ZNF621: variants seen among roughly 807,000 people sequenced by gnomAD.
ZNF621 encodes zinc finger protein 621.
ZNF621 carries 6 observed loss-of-function variants against 12.7 expected under a neutral mutation model. That is an observed-to-expected ratio of 0.47 (90% CI 0.26 to 0.93). The LOEUF (loss-of-function observed/expected upper bound fraction) is 0.93, where lower values mean the gene tolerates loss of function less well. Ranked by LOEUF, ZNF621 falls within the 40% of genes least tolerant of loss-of-function variation. The pLI is 0.15. For missense variants in ZNF621, 474 were observed against 524.0 expected (o/e 0.90, Z 0.93); for synonymous variants, 156 against 190.3 (o/e 0.82, Z 1.48).
Position 40,532,007 on chromosome 3 carries a change from A to G in ZNF621, c.260-23A>G, listed in dbSNP as rs1698736641. The G allele has an allele frequency of 1.9e-6, 3 of 1,571,924 alleles. No homozygotes were observed. The African/African-American group carries it at 4.1e-5, about 22-fold the overall frequency. ...TTTTCTTCCAGTTTTGTAACTAGGA[A>G]CACTTGTGGTTTCTTTGGTCAGGTG... On this transcript the variant is annotated intron_variant, in intron 4 of 4. Transcript: ENST00000339296.
chr3:40,532,655 G>C lies in ZNF621; in HGVS notation c.885G>C (p.Glu295Asp), dbSNP rs747633470. The change falls in exon 5 of 5, where the codon GAG becomes GAC. Residue 295 changes from glutamate (E) to aspartate (D), a missense_variant. Coordinates refer to ENST00000339296, the MANE Select transcript of ZNF621 (RefSeq NM_198484.5). ...GGGAGAAACCTTATCAATGTAAGGA[G>C]TGTGGCAAAGCCTTCACCCAGAAAA... The part of the protein sequence containing the change: ...HTGEKPYQCK[E>D]CGKAFTQKIA... The C allele has an allele frequency of 1.2e-6, 2 of 1,614,076 alleles. No homozygotes were observed. Among genetic ancestry groups the C allele is most frequent in the African/African-American group, 2.7e-5 (2 of 74,906 alleles).
intron 3 of ZNF621, 198 bp downstream of exon 3, chr3:40,529,643 G>C (rs757155106): frequency 1.3e-4 from 180 of 1,400,170 alleles, no homozygotes; most frequent in Non-Finnish European, 1.7e-4. Flanking sequence ...TTTGTTTTGA[G>C]ACAGAGTCTC....
Position 40,529,370 on chromosome 3 carries a change from G to A in ZNF621, c.76G>A (p.Ala26Thr), listed in dbSNP as rs1373939023. Residue 26 changes from alanine to threonine, a missense_variant, in exon 3 of 5, where the codon GCC becomes ACC. Transcript: ENST00000339296. ...TGTTTACTTCACCCAGAATCAATGG[G>A]CCAGCCTCGACCCTGCGCAGAGGGC... ...VAVYFTQNQW[A>T]SLDPAQRALY... 6.2e-7 allele frequency: 1 copy of A among 1,613,938 alleles called. No individual in the cohort carries two copies. The highest frequency in any genetic ancestry group is 8.5e-7 in the Non-Finnish European group (1 of 1,179,880).
chr3:40,532,676 GA>G lies in ZNF621; in HGVS notation c.910del (p.Ile304Ter). 6.2e-7 allele frequency: 1 copy of G among 1,614,192 alleles called. No homozygotes were observed. ...AGGAGTGTGGCAAAGCCTTCACCCAGAAAATAGCCTCCATTCAGCATCAGAG... is the reference window on the plus strand; with the variant it reads ...AGGAGTGTGGCAAAGCCTTCACCCAGAAATAGCCTCCATTCAGCATCAGAG... ...CKECGKAFTQ[K>X]IASIQHQRVH... On this transcript the variant is annotated frameshift_variant, in exon 5 of 5. Coordinates refer to ENST00000339296, the MANE Select transcript of ZNF621 (RefSeq NM_198484.5). LOFTEE classifies it low-confidence loss of function (END_TRUNC).
At position 40,538,595 on chromosome 3, in the gene ZNF621, G is replaced by T. The variant is rs1698927235; in HGVS notation, c.*5505G>T. 6.5e-6 allele frequency: 1 copy of T among 154,644 alleles called. No homozygotes were observed. Among genetic ancestry groups the T allele is most frequent in the South Asian group, 1.9e-4 (1 of 5,200 alleles). The allele number at this position is 154,644 out of a possible 1,614,324, so 9.6% of individuals were successfully genotyped here. A position where few individuals can be genotyped will look rare whatever the true frequency, so the allele number is the denominator to read the frequency against. On this transcript the variant is annotated 3_prime_UTR_variant, in exon 5 of 5. Transcript: ENST00000339296. Reference sequence around the variant, plus strand: ...AAGAGTTCTGATGGAGATGTACAAAGAGATTAATGTTTTTATGTCTGCTAA... The same window carrying T: ...AAGAGTTCTGATGGAGATGTACAAATAGATTAATGTTTTTATGTCTGCTAA...
chr3:40,523,786 AACAAGC>A (rs1477487047), upstream of ZNF621, among the ~76,000 whole-genome samples: 1 of 122,534 alleles, frequency 8.2e-6, no homozygotes, highest in Non-Finnish European at 1.6e-5. Flanking sequence ...ACAAACAAAA[AACAAGC>A]AAAAAAAAAA....
Position 40,533,105 on chromosome 3 carries a change from G to A in ZNF621, c.*15G>A. On this transcript the variant is annotated 3_prime_UTR_variant, in exon 5 of 5. Transcript: ENST00000339296. The stretch of plus-strand genomic sequence containing the variant: ...ACTCCTCATGAGCTTTATCTTGGCA[G>A]TCTTACGGCTCTTATGCCTAGCAAA... 3 of 1,548,204 alleles carry A rather than the reference G, an allele frequency of 1.9e-6. No individual in the cohort carries two copies. Among genetic ancestry groups the A allele is most frequent in the Non-Finnish European group, 2.6e-6 (3 of 1,144,276 alleles).
intron 3 of ZNF621, 48 bp from the exon 4 acceptor site, chr3:40,530,160 TA>T: frequency 6.6e-7 from 1 of 1,510,932 alleles, no homozygotes; most frequent in Non-Finnish European, 9.2e-7. Flanking sequence ...ATCCCAGGAA[TA>T]GCTCTGGACG....
upstream of ZNF621, among the ~76,000 whole-genome samples, chr3:40,523,509 A>G (rs993391036): frequency 2.0e-5 from 3 of 152,216 alleles, no homozygotes; most frequent in Non-Finnish European, 4.4e-5. Flanking sequence ...TCACGCCTGT[A>G]ATCCCCAGCA....
At position 40,525,865 on chromosome 3, in the gene ZNF621, G is replaced by A; in HGVS notation, c.24+1G>A. 1 of 1,613,404 alleles carries A rather than the reference G, an allele frequency of 6.2e-7. No homozygotes were observed. ...CATGCTCCAAACAACTTGGCCTCAGGTGAGCTGAGCTTCTTTCAGTTTTTT... is the reference window on the plus strand; with the variant it reads ...CATGCTCCAAACAACTTGGCCTCAGATGAGCTGAGCTTCTTTCAGTTTTTT... On this transcript the variant is annotated splice_donor_variant, in intron 2 of 4. Coordinates refer to ENST00000339296, the MANE Select transcript of ZNF621 (RefSeq NM_198484.5). LOFTEE classifies it high-confidence loss of function.
At position 40,532,710 on chromosome 3, in the gene ZNF621, A is replaced by G; in HGVS notation, c.940A>G (p.Thr314Ala). 1 of 1,614,224 alleles carries G rather than the reference A, an allele frequency of 6.2e-7. No homozygotes were observed. Among genetic ancestry groups the G allele is most frequent in the Non-Finnish European group, 8.5e-7 (1 of 1,180,032 alleles). ...CTCCATTCAGCATCAGAGAGTTCACACTGGGGAGAAGCCTTATGAATGTAA... is the reference window on the plus strand; with the variant it reads ...CTCCATTCAGCATCAGAGAGTTCACGCTGGGGAGAAGCCTTATGAATGTAA... ...IASIQHQRVH[T>A]GEKPYECKVC... The change falls in exon 5 of 5, where the codon ACT (threonine) becomes GCT (alanine). Residue 314 changes from threonine (T) to alanine (A), a missense_variant. Thr to Ala is a moderately conservative substitution (Grantham distance 58, BLOSUM62 0). Coordinates refer to ENST00000339296, the MANE Select transcript of ZNF621 (RefSeq NM_198484.5).
In ZNF621 at chr3:40,537,836, G is replaced by A. The variant is rs538999942; in HGVS notation, c.*4746G>A. Reference sequence around the variant, plus strand: ...AGGTGAAGCAGCAAGTGCTGGTGTAGAAGCTGTAGCAATTTATCCAGATCT... The same window carrying A: ...AGGTGAAGCAGCAAGTGCTGGTGTAAAAGCTGTAGCAATTTATCCAGATCT... On this transcript the variant is annotated 3_prime_UTR_variant, in exon 5 of 5. Transcript: ENST00000339296. The A allele has an allele frequency of 8.4e-5, 13 of 154,768 alleles. No homozygotes were observed. Among genetic ancestry groups the A allele is most frequent in the African/African-American group, 2.9e-4 (12 of 41,622 alleles). The allele number at this position is 154,768 out of a possible 1,614,324, so 9.6% of individuals were successfully genotyped here.
rs1243467006 is a variant in ZNF621, at chr3:40,525,061, C to T, written c.-276C>T. On this transcript the variant is annotated 5_prime_UTR_variant, in exon 1 of 5. Transcript: ENST00000339296. ...CAGGTCCGCCCGGTGCCGGCTTCCTCGCTGCCCCTGGCGGCTCGTCAGCCC... is the reference window on the plus strand; with the variant it reads ...CAGGTCCGCCCGGTGCCGGCTTCCTTGCTGCCCCTGGCGGCTCGTCAGCCC... 1 of 152,412 alleles carries T rather than the reference C, an allele frequency of 6.6e-6. No individual in the cohort carries two copies. Among genetic ancestry groups the T allele is most frequent in the Non-Finnish European group, 1.5e-5 (1 of 68,204 alleles). The allele number at this position is 152,412 out of a possible 1,614,324, so 9.4% of individuals were successfully genotyped here. A position where few individuals can be genotyped will look rare whatever the true frequency, so the allele number is the denominator to read the frequency against.
Position 40,532,344 on chromosome 3 carries a change from T to A in ZNF621, c.574T>A (p.Tyr192Asn). 6.2e-7 allele frequency: 1 copy of A among 1,611,268 alleles called. No individual in the cohort carries two copies. The highest frequency in any genetic ancestry group is 8.5e-7 in the Non-Finnish European group (1 of 1,179,722). ...GTGTGGCAAAGCTTTCAAGTCCAGC[T>A]ATGATTGTATTGTACATGAGAAAAA... ...KECGKAFKSS[Y>N]DCIVHEKNHI... The change falls in exon 5 of 5, where the codon TAT becomes AAT. Residue 192 changes from tyrosine (Y) to asparagine (N), a missense_variant. Transcript: ENST00000339296.
rs550876722 is a variant in ZNF621, at chr3:40,538,544, C to T, written c.*5454C>T. The T allele has an allele frequency of 1.3e-5, 2 of 157,270 alleles. No individual in the cohort carries two copies. Among genetic ancestry groups the T allele is most frequent in the South Asian group, 3.5e-4 (2 of 5,724 alleles). 9.7% of individuals were successfully genotyped at this position (157,270 alleles called of 1,614,324 possible). Reference sequence around the variant, plus strand: ...AAAAATTTAGTTCCAAATATTACTGCTCGTTGATAATGTGTCTGGTCACCC... The same window carrying T: ...AAAAATTTAGTTCCAAATATTACTGTTCGTTGATAATGTGTCTGGTCACCC... On this transcript the variant is annotated 3_prime_UTR_variant, in exon 5 of 5. Coordinates refer to ENST00000339296, the MANE Select transcript of ZNF621 (RefSeq NM_198484.5).
chr3:40,532,463 A>G lies in ZNF621; in HGVS notation c.693A>G (p.Gly231=). The change falls in exon 5 of 5, where the codon GGA becomes GGG. Residue 231 remains glycine, a synonymous_variant. Coordinates refer to ENST00000339296, the MANE Select transcript of ZNF621 (RefSeq NM_198484.5). ...ALTQHQRIHT[G]EKPYECKECG... ...CTCAACATCAGAGGATCCACACTGG[A>G]GAGAAACCCTATGAATGTAAAGAGT... 1 of 1,614,038 alleles carries G rather than the reference A, an allele frequency of 6.2e-7. No individual in the cohort carries two copies. The highest frequency in any genetic ancestry group is 8.5e-7 in the Non-Finnish European group (1 of 1,180,012).
In ZNF621 at chr3:40,534,287, G is replaced by A. The variant is rs1217981097; in HGVS notation, c.*1197G>A. On this transcript the variant is annotated 3_prime_UTR_variant, in exon 5 of 5. Coordinates refer to ENST00000339296, the MANE Select transcript of ZNF621 (RefSeq NM_198484.5). ...AGAAATAAAGGGAGCTGTGTAGTGGGTCAGTGGCTAGGTAGGTTAGTGAAG... is the reference window on the plus strand; with the variant it reads ...AGAAATAAAGGGAGCTGTGTAGTGGATCAGTGGCTAGGTAGGTTAGTGAAG... The A allele has an allele frequency of 6.6e-6, 1 of 152,022 alleles. No homozygotes were observed. The highest frequency in any genetic ancestry group is 1.5e-5 in the Non-Finnish European group (1 of 68,012). 9.4% of individuals were successfully genotyped at this position (152,022 alleles called of 1,614,324 possible). A position where few individuals can be genotyped will look rare whatever the true frequency, so the allele number is the denominator to read the frequency against.
chr3:40,533,182 C>A lies in ZNF621; in HGVS notation c.*92C>A. ...TTGAGAAAGGGTCTTGCTCTGTCAC[C>A]CAGGCTAGAGTGCGGTGGTGTGATC... On this transcript the variant is annotated 3_prime_UTR_variant, in exon 5 of 5. Transcript: ENST00000339296. 1 of 1,476,876 alleles carries A rather than the reference C, an allele frequency of 6.8e-7. No individual in the cohort carries two copies. 91.5% of individuals were successfully genotyped at this position (1,476,876 alleles called of 1,614,324 possible). A position where few individuals can be genotyped will look rare whatever the true frequency, so the allele number is the denominator to read the frequency against.
chr3:40,529,878 T>G (rs754253726), intron 3 of ZNF621, among the ~76,000 whole-genome samples: 2 of 152,186 alleles, frequency 1.3e-5, no homozygotes, highest in Non-Finnish European at 2.9e-5. Flanking sequence ...GCACCCTAAG[T>G]GAGCCCTTTG....
Sources: allele counts gnomAD v4.1 joint callset (sites outside exome capture counted in the v4.1 genomes callset), GRCh38; gene constraint gnomAD v4.1.1; transcripts MANE v1.5; gene names NCBI Gene and HGNC (gene_info 2026-07-23, HGNC 2026-07-21).